The following UTRN variants were observed in gnomAD, a reference collection of about 807,000 sequenced individuals.
UTRN encodes dystrophin-related protein 1.
Under a neutral mutation model 463.9 loss-of-function variants are expected in UTRN, and 283 were observed. The observed-to-expected ratio is 0.61, with a 90% CI of 0.55 to 0.67. The LOEUF is 0.67. UTRN is among the 30% of genes least tolerant of loss of function. UTRN has a pLI of 0.00. For missense variants in UTRN, 3,922 were observed against 4,084.3 expected, an observed-to-expected ratio of 0.96 and a Z score of 1.08; for synonymous variants, 1,442 against 1,431.5, an observed-to-expected ratio of 1.01 and a Z score of -0.17.
chr6:144,695,203 T>C (rs1783864091), intron 52 of UTRN, among the ~76,000 whole-genome samples: 1 of 151,922 alleles, frequency 6.6e-6, no homozygotes, highest in South Asian at 2.1e-4. Flanking sequence ...ATTTATATGC[T>C]AGATCTACCC....
At chr6:144,667,707 C>T (rs1319290746) in intron 51 of UTRN, among the ~76,000 whole-genome samples, 1 of 152,154 alleles carries the variant, frequency 6.6e-6, no homozygotes, top group Non-Finnish European at 1.5e-5. Flanking sequence ...GGAGATGACA[C>T]CAAAGAACTT....
At position 144,286,215 on chromosome 6, in the gene UTRN, A is replaced by G. The variant is rs1050969229; in HGVS notation, c.-93+394A>G. Reference sequence around the variant, plus strand: ...CGCGGTGCAGGGCGCTGGGCCAGTGATTTGCAAGAGGGGACGTGGCCTCTT... The same window carrying G: ...CGCGGTGCAGGGCGCTGGGCCAGTGGTTTGCAAGAGGGGACGTGGCCTCTT... On this transcript the variant is annotated intron_variant, in intron 1 of 74. Transcript: ENST00000367545. This position sits in a 1 kb window ranked among gnomAD's most constrained non-coding sequence, Gnocchi z 4.4. Among the ~76,000 whole-genome samples, 1 of 151,998 alleles carries G rather than the reference A, an allele frequency of 6.6e-6. No individual in the cohort carries two copies. Among genetic ancestry groups the G allele is most frequent in the Non-Finnish European group, 1.5e-5 (1 of 68,010 alleles).
At chr6:144,643,124 C>CA (rs1260982186) in intron 51 of UTRN, among the ~76,000 whole-genome samples, 2 of 152,044 alleles carry the variant, frequency 1.3e-5, no homozygotes, top group Non-Finnish European at 1.5e-5. Flanking sequence ...CCTACCGGTG[C>CA]ATGAGAGAAA....
intron 52 of UTRN, among the ~76,000 whole-genome samples, chr6:144,679,952 G>GT (rs1373651028): frequency 6.6e-6 from 1 of 152,056 alleles, no homozygotes; most frequent in South Asian, 2.1e-4. Flanking sequence ...CTTTTTCTTA[G>GT]TAAGAGAAGA....
At chr6:144,312,213 C>G (rs1383626625) in intron 2 of UTRN, 1 of 152,208 alleles carries the variant, frequency 6.6e-6, no homozygotes, top group Non-Finnish European at 1.5e-5. Context: ...ATCACGAGGT[C>G]AGGAGATCGA....
At chr6:144,328,771 C>A (rs1776142265) in intron 2 of UTRN, among the ~76,000 whole-genome samples, 1 of 151,628 alleles carries the variant, frequency 6.6e-6, no homozygotes, top group Non-Finnish European at 1.5e-5. Flanking sequence ...ACTCCTTTGG[C>A]AGTTTAGTGA....
At chr6:144,789,946 C>T (rs571762517) in intron 62 of UTRN, among the ~76,000 whole-genome samples, 16 of 152,248 alleles carry the variant, frequency 1.1e-4, no homozygotes, top group African/African-American at 3.9e-4. Flanking sequence ...GACCTGTCTT[C>T]AAATCTCTAC....
At chr6:144,675,353 G>A (rs1781483728) in intron 51 of UTRN, among the ~76,000 whole-genome samples, 1 of 152,180 alleles carries the variant, frequency 6.6e-6, no homozygotes, top group Non-Finnish European at 1.5e-5. Context: ...TGCTCCAGTG[G>A]AGGCTGCAGG....
At chr6:144,295,719 CTGA>C (rs1280746674) in intron 2 of UTRN, among the ~76,000 whole-genome samples, 2 of 152,216 alleles carry the variant, frequency 1.3e-5, no homozygotes, top group Non-Finnish European at 2.9e-5. Context: ...ACTGCTGCTG[CTGA>C]TGATGACGAT....
At chr6:144,826,915 A>G (rs1242623497) in intron 66 of UTRN, among the ~76,000 whole-genome samples, 1 of 152,158 alleles carries the variant, frequency 6.6e-6, no homozygotes, top group Non-Finnish European at 1.5e-5. Flanking sequence ...TCTGCCATCA[A>G]CATATAATGT....
chr6:144,776,103 G>A (rs563192254), intron 60 of UTRN, among the ~76,000 whole-genome samples: 1 of 152,272 alleles, frequency 6.6e-6, no homozygotes, highest in East Asian at 1.9e-4. Flanking sequence ...CACTCCTGGA[G>A]CTCATCAGTT....
intron 71 of UTRN, among the ~76,000 whole-genome samples, chr6:144,837,872 C>G (rs897929477): frequency 6.6e-6 from 1 of 152,166 alleles, no homozygotes; most frequent in African/African-American, 2.4e-5. Flanking sequence ...GCCTCTCAAT[C>G]CCACAATTTG....
intron 63 of UTRN, among the ~76,000 whole-genome samples, chr6:144,794,371 C>T (rs1777033047): frequency 6.6e-6 from 1 of 152,172 alleles, no homozygotes; most frequent in Non-Finnish European, 1.5e-5. Context: ...AGACGTTCTT[C>T]CTTCCCCATT....
At chr6:144,385,704 CTA>C (rs753530109) in intron 2 of UTRN, among the ~76,000 whole-genome samples, 5 of 141,238 alleles carry the variant, frequency 3.5e-5, no homozygotes, top group East Asian at 1.9e-4. Context: ...TGCCAGAACT[CTA>C]TTTTTTTTTT....
intron 53 of UTRN, 115 bp downstream of exon 53, chr6:144,700,358 C>A (rs890625219): frequency 1.2e-5 from 14 of 1,191,742 alleles, no homozygotes; most frequent in African/African-American, 9.3e-5. Context: ...ATTCCCCCCC[C>A]CACCACCGTC....
At chr6:144,633,269 A>T (rs529595960) in intron 51 of UTRN, among the ~76,000 whole-genome samples, 1 of 130,154 alleles carries the variant, frequency 7.7e-6, no homozygotes, top group Non-Finnish European at 1.6e-5. Flanking sequence ...TTGCTCTGTC[A>T]CCCAGGCTGA....
At chr6:144,848,750 G>A (rs1250052855) in intron 74 of UTRN, among the ~76,000 whole-genome samples, 1 of 152,168 alleles carries the variant, frequency 6.6e-6, no homozygotes, top group Admixed American at 6.5e-5. Flanking sequence ...CAGAGTGCTG[G>A]AAGAATCATC....
At chr6:144,677,774 C>T (rs922114185) in intron 51 of UTRN, among the ~76,000 whole-genome samples, 1 of 152,160 alleles carries the variant, frequency 6.6e-6, no homozygotes, top group Non-Finnish European at 1.5e-5. Context: ...TCGCCAGCAC[C>T]TGTTGTGTAC....
chr6:144,574,182 G>T (rs1801211307), intron 50 of UTRN, among the ~76,000 whole-genome samples: 1 of 152,196 alleles, frequency 6.6e-6, no homozygotes, highest in Non-Finnish European at 1.5e-5. Flanking sequence ...AAAACTAGGG[G>T]ATAAAGTTTG....
Sources: allele counts gnomAD v4.1 joint callset (sites outside exome capture counted in the v4.1 genomes callset), GRCh38; gene constraint gnomAD v4.1.1; non-coding constraint Gnocchi (gnomAD v3.1); transcripts MANE v1.5; gene names NCBI Gene and HGNC (gene_info 2026-07-23, HGNC 2026-07-21).